The following XRCC4 variants were observed in gnomAD, a reference collection of about 807,000 sequenced individuals.
The protein encoded by XRCC4 is DNA repair protein XRCC4.
Under a neutral mutation model 39.1 loss-of-function variants are expected in XRCC4, and 28 were observed. The ratio of observed to expected loss-of-function variants is 0.72; its 90% CI spans 0.53 to 0.98. The LOEUF is 0.98. XRCC4 is among the 50% of genes least tolerant of loss of function. The probability of loss-of-function intolerance (pLI) is 0.00; values close to 1 mark genes in which losing one functional copy is unlikely to be tolerated. For missense variants in XRCC4, 350 were observed against 376.4 expected, an observed-to-expected ratio of 0.93 and a Z score of 0.58; for synonymous variants, 123 against 126.4, an observed-to-expected ratio of 0.97 and a Z score of 0.18.
chr5:83,353,060 C>T, intron 7 of XRCC4, 71 bp from the exon 8 acceptor site: 1 of 1,238,342 alleles, frequency 8.1e-7, no homozygotes. Flanking sequence ...TTATGTGTCT[C>T]TTCATTTTCT....
At chr5:83,269,801 G>T (rs1754075355) in intron 7 of XRCC4, among the ~76,000 whole-genome samples, 1 of 152,052 alleles carries the variant, frequency 6.6e-6, no homozygotes, top group African/African-American at 2.4e-5. Context: ...CTGTACCAGA[G>T]GTCCCCAACC....
intron 7 of XRCC4, among the ~76,000 whole-genome samples, chr5:83,348,101 C>G (rs1243819720): frequency 6.6e-6 from 1 of 152,152 alleles, no homozygotes; most frequent in Non-Finnish European, 1.5e-5. Flanking sequence ...GGGTACAGCC[C>G]CCATGGCTGC....
At chr5:83,209,397 C>T (rs554299708) in intron 6 of XRCC4, among the ~76,000 whole-genome samples, 12 of 152,128 alleles carry the variant, frequency 7.9e-5, no homozygotes, top group Non-Finnish European at 1.3e-4. Flanking sequence ...AGAACAGTTT[C>T]GCATTGTGCA....
At chr5:83,087,634 G>T (rs186938141) in intron 1 of XRCC4, among the ~76,000 whole-genome samples, 1,541 of 152,014 alleles carry the variant, frequency 0.01, 19 homozygotes, top group African/African-American at 0.036. Context: ...CTGTACTCCA[G>T]TCTGGGTGAC....
chr5:83,308,729 A>T (rs1197005709), intron 7 of XRCC4, among the ~76,000 whole-genome samples: 2 of 152,178 alleles, frequency 1.3e-5, no homozygotes, highest in African/African-American at 4.8e-5. Context: ...TTATATTTTT[A>T]AAATAAAATG....
chr5:83,351,560 A>G (rs1478702359), intron 7 of XRCC4, among the ~76,000 whole-genome samples: 1 of 152,218 alleles, frequency 6.6e-6, no homozygotes, highest in Non-Finnish European at 1.5e-5. Flanking sequence ...CCCATACTAT[A>G]TCATTTTCTC....
intron 7 of XRCC4, among the ~76,000 whole-genome samples, chr5:83,275,155 G>GGA (rs1177492506): frequency 1.3e-5 from 2 of 152,258 alleles, no homozygotes; most frequent in African/African-American, 4.8e-5. Context: ...TTAGAATAAG[G>GGA]GAGAGAGAGG....
In XRCC4 at chr5:83,194,078, G is replaced by A. The variant is rs187149744; in HGVS notation, c.316-1692G>A. ...CTCCTGAGTAGCTGGGCTTATAAGC[G>A]TGCACCACCATGTCTGGCTCATTTT... On this transcript the variant is annotated intron_variant, in intron 3 of 7. Transcript: ENST00000396027. Among the ~76,000 whole-genome samples the A allele has an allele frequency of 9.6e-4, 146 of 152,194 alleles. No homozygotes were observed. The Middle Eastern group carries it at 0.01, about 11-fold the overall frequency.
chr5:83,353,532 CAT>C lies in XRCC4; in HGVS notation c.*293_*294del, dbSNP rs1015949804. ...GACACATTTATCATATTCATTCACA[CAT>C]ATTATATGTGATAGCTGTCCAACAT... On this transcript the variant is annotated 3_prime_UTR_variant, in exon 8 of 8. Transcript: ENST00000396027. The C allele has an allele frequency of 4.7e-6, 1 of 211,002 alleles. No individual in the cohort carries two copies. Among genetic ancestry groups the C allele is most frequent in the Non-Finnish European group, 9.3e-6 (1 of 106,998 alleles). The allele number at this position is 211,002 out of a possible 1,614,324, so 13.1% of individuals were successfully genotyped here.
At chr5:83,117,803 A>G (rs968778891) in intron 3 of XRCC4, among the ~76,000 whole-genome samples, 27 of 151,976 alleles carry the variant, frequency 1.8e-4, no homozygotes, top group African/African-American at 6.5e-4. Flanking sequence ...ACATAGGTAG[A>G]CGTGTGCCAT....
rs970154094 is a variant in XRCC4 at position 83,293,032 on chromosome 5, T to C, written c.893+34355T>C. The stretch of plus-strand genomic sequence containing the variant: ...TATTATAGACCTTTTTTTTACTTAA[T>C]GTAATTTTATTTAACAATTATAATT... On this transcript the variant is annotated intron_variant, in intron 7 of 7. Transcript: ENST00000396027. Among the ~76,000 whole-genome samples, 4 of 151,988 alleles carry C rather than the reference T, an allele frequency of 2.6e-5. No homozygotes were observed. The East Asian group carries it at 7.7e-4, about 29-fold the overall frequency.
At chr5:83,181,372 A>G (rs781443766) in intron 3 of XRCC4, among the ~76,000 whole-genome samples, 10 of 152,158 alleles carry the variant, frequency 6.6e-5, no homozygotes, top group Non-Finnish European at 1.3e-4. Context: ...TAAAAAGTAA[A>G]TATCAGTTTT....
At chr5:83,129,944 T>C (rs1006877857) in intron 3 of XRCC4, among the ~76,000 whole-genome samples, 1 of 152,180 alleles carries the variant, frequency 6.6e-6, no homozygotes, top group African/African-American at 2.4e-5. Context: ...CTTTTCCTAA[T>C]TGAATACCCT....
chr5:83,110,807 A>G, intron 2 of XRCC4, among the ~76,000 whole-genome samples: 1 of 152,124 alleles, frequency 6.6e-6, no homozygotes, highest in East Asian at 1.9e-4. Context: ...CAAGGGTTTA[A>G]TGTATTTTAC....
chr5:83,263,431 CA>C (rs1168050880), intron 7 of XRCC4, among the ~76,000 whole-genome samples: 5 of 151,080 alleles, frequency 3.3e-5, no homozygotes, highest in African/African-American at 7.3e-5. Flanking sequence ...CTGACTTCCA[CA>C]ATGGTTGAAC....
At chr5:83,151,078 A>G (rs542007544) in intron 3 of XRCC4, among the ~76,000 whole-genome samples, 2 of 152,272 alleles carry the variant, frequency 1.3e-5, no homozygotes, top group African/African-American at 2.4e-5. Context: ...AAGGCTTCAT[A>G]TATACATTTT....
downstream of XRCC4, among the ~76,000 whole-genome samples, chr5:83,356,079 T>C (rs78419157): frequency 0.036 from 5,230 of 144,428 alleles, 284 homozygotes; most frequent in African/African-American, 0.13. Flanking sequence ...ATGGCTTATA[T>C]GCAAAAGGAA....
chr5:83,137,054 G>A (rs1747934230), intron 3 of XRCC4, among the ~76,000 whole-genome samples: 1 of 152,042 alleles, frequency 6.6e-6, no homozygotes, highest in African/African-American at 2.4e-5. Flanking sequence ...ATCAAGTTGT[G>A]TACCTTATAT....
chr5:83,370,619 C>T, the XRCC4 span, among the ~76,000 whole-genome samples: 1 of 152,140 alleles, frequency 6.6e-6, no homozygotes, highest in East Asian at 1.9e-4. Flanking sequence ...CTTGTTCCTA[C>T]TTGGGCTTCT....
Sources: gnomAD v4.1 joint callset for allele counts (sites outside exome capture counted in the v4.1 genomes callset) on GRCh38, gnomAD v4.1.1 for gene constraint, MANE v1.5 for transcripts, NCBI Gene and HGNC (gene_info 2026-07-23, HGNC 2026-07-21) for gene names.